The following SCG2 variants were observed in gnomAD, a reference collection of about 807,000 sequenced individuals.
SCG2 encodes secretogranin II, also known as secretogranin-2.
In SCG2, 23 loss-of-function variants were observed where a neutral mutation model predicts 49.5. The ratio of observed to expected loss-of-function variants is 0.46; its 90% CI spans 0.33 to 0.66. The LOEUF is 0.66. SCG2 is among the 30% of genes least tolerant of loss of function. The pLI, the probability that SCG2 is intolerant of heterozygous loss-of-function variation, is 0.01. For missense variants in SCG2, 730 were observed against 728.2 expected, an observed-to-expected ratio of 1.00 and a Z score of -0.03; for synonymous variants, 288 against 260.4, an observed-to-expected ratio of 1.11 and a Z score of -1.02.
chr2:223,600,448 G>C (rs926969241), intron 1 of SCG2, among the ~76,000 whole-genome samples: 1 of 152,112 alleles, frequency 6.6e-6, no homozygotes, highest in Non-Finnish European at 1.5e-5. Context: ...TTAGGAAGAG[G>C]ATTAGTTTTT....
In SCG2 at chr2:223,598,901, C is replaced by T. The variant is rs1478813785; in HGVS notation, c.382G>A (p.Ala128Thr). The T allele has an allele frequency of 6.2e-7, 1 of 1,614,150 alleles. No individual in the cohort carries two copies. The highest frequency in any genetic ancestry group is 8.5e-7 in the Non-Finnish European group (1 of 1,180,022). ...GCATAGGGCTTATTTTCTTTTGGTG[C>T]AGACTGAGGCTCATTTTCAGCCTGT... ...LRQAENEPQS[A>T]PKENKPYALN... Residue 128 changes from alanine to threonine, a missense_variant, in exon 2 of 2, where the codon GCA becomes ACA. By Grantham distance (58) the Ala-to-Thr change is moderately conservative. Transcript: ENST00000305409.
rs1691327517 is a variant in SCG2 at position 223,598,087 on chromosome 2, AAGTC to A, written c.1192_1195del (p.Asp398Ter). On this transcript the variant is annotated frameshift_variant, in exon 2 of 2. Coordinates refer to ENST00000305409, the MANE Select transcript of SCG2 (RefSeq NM_003469.5). LOFTEE classifies it high-confidence loss of function. ...ATTTTGGAACAGGTCTGGATGGTCT[AAGTC>A]AGCCTCTGAGATGTCATCTAGGTCA... 4 of 1,605,360 alleles carry A rather than the reference AAGTC, an allele frequency of 2.5e-6. No homozygotes were observed. The highest frequency in any genetic ancestry group is 3.4e-6 in the Non-Finnish European group (4 of 1,175,664).
chr2:223,597,421 A>C lies in SCG2; in HGVS notation c.*8T>G. 1 of 1,573,162 alleles carries C rather than the reference A, an allele frequency of 6.4e-7. No individual in the cohort carries two copies. The highest frequency in any genetic ancestry group is 8.6e-7 in the Non-Finnish European group (1 of 1,159,894). On this transcript the variant is annotated 3_prime_UTR_variant, in exon 2 of 2. Transcript: ENST00000305409. ...AGGAATGAAAGTAGGGTAATTAATGAAAGCAGCTTACATATTTTCCATTGC... is the reference window on the plus strand; with the variant it reads ...AGGAATGAAAGTAGGGTAATTAATGCAAGCAGCTTACATATTTTCCATTGC...
intron 1 of SCG2, among the ~76,000 whole-genome samples, chr2:223,601,491 A>G (rs1339918336): frequency 1.3e-5 from 2 of 152,210 alleles, no homozygotes; most frequent in Non-Finnish European, 2.9e-5. Flanking sequence ...CCCAGACAAA[A>G]TCTTTAGCAA....
chr2:223,600,051 C>G (rs1404964978), intron 1 of SCG2, among the ~76,000 whole-genome samples: 1 of 152,100 alleles, frequency 6.6e-6, no homozygotes, highest in Admixed American at 6.5e-5. Flanking sequence ...ACGTGCTAAA[C>G]CAATAAAGTG....
chr2:223,600,965 G>A (rs1426121464), intron 1 of SCG2, among the ~76,000 whole-genome samples: 4 of 151,934 alleles, frequency 2.6e-5, no homozygotes, highest in African/African-American at 9.7e-5. Context: ...TTCAACATTG[G>A]CATTTGAAAT....
Position 223,599,150 on chromosome 2 carries a change from C to G in SCG2, c.133G>C (p.Glu45Gln). The G allele has an allele frequency of 6.2e-7, 1 of 1,614,102 alleles. No homozygotes were observed. The highest frequency in any genetic ancestry group is 8.5e-7 in the Non-Finnish European group (1 of 1,179,990). Residue 45 changes from glutamate to glutamine, a missense_variant, in exon 2 of 2, where the codon GAA becomes CAA. Physicochemically the swap from Glu to Gln is conservative, Grantham distance 29 (BLOSUM62 2). Coordinates refer to ENST00000305409, the MANE Select transcript of SCG2 (RefSeq NM_003469.5). The stretch of plus-strand genomic sequence containing the variant: ...GGACTGGGAAACTTTTGGACATTTT[C>G]CAACCTGAGGTCTGGTTCTTTCTGA... ...LLQKEPDLRLENVQKFPSPEM... is the reference protein window; with the variant it reads ...LLQKEPDLRLQNVQKFPSPEM...
At position 223,598,895 on chromosome 2, in the gene SCG2, T is replaced by C; in HGVS notation, c.388A>G (p.Lys130Glu). 6.2e-7 allele frequency: 1 copy of C among 1,614,242 alleles called. No homozygotes were observed. The highest frequency in any genetic ancestry group is 8.5e-7 in the Non-Finnish European group (1 of 1,180,036). ...QAENEPQSAP[K>E]ENKPYALNSE... ...TTCAAGGCATAGGGCTTATTTTCTT[T>C]TGGTGCAGACTGAGGCTCATTTTCA... Residue 130 changes from lysine to glutamate, a missense_variant, in exon 2 of 2, where the codon AAA becomes GAA. Coordinates refer to ENST00000305409, the MANE Select transcript of SCG2 (RefSeq NM_003469.5).
rs201824633 is a variant in SCG2, at chr2:223,598,651, G to T, written c.632C>A (p.Pro211Gln). 155 of 1,613,878 alleles carry T rather than the reference G, an allele frequency of 9.6e-5. No homozygotes were observed. Among genetic ancestry groups the T allele is most frequent in the Admixed American group, 1.7e-4 (10 of 59,996 alleles). The change falls in exon 2 of 2, where the codon CCA becomes CAA. Residue 211 changes from proline (P) to glutamine (Q), a missense_variant. Coordinates refer to ENST00000305409, the MANE Select transcript of SCG2 (RefSeq NM_003469.5). ...VFQELGKLTG[P>Q]NNQKRERMDE... ...CATCCTCTCACGTTTCTGGTTGTTT[G>T]GTCCTGTCAGTTTCCCCAGCTCTTG...
Position 223,598,448 on chromosome 2 carries a change from T to G in SCG2, c.835A>C (p.Asn279His). The G allele has an allele frequency of 6.2e-7, 1 of 1,614,080 alleles. No homozygotes were observed. The highest frequency in any genetic ancestry group is 8.5e-7 in the Non-Finnish European group (1 of 1,180,018). The change falls in exon 2 of 2, where the codon AAC (asparagine) becomes CAC (histidine). Residue 279 changes from asparagine to histidine, a missense_variant. By Grantham distance (68) the Asn-to-His change is moderately conservative. Coordinates refer to ENST00000305409, the MANE Select transcript of SCG2 (RefSeq NM_003469.5). ...KENIEKNEQI[N>H]DEMKRSGQLG... ...TGCCCTGAGCGTTTCATCTCATCGT[T>G]GATTTGTTCATTTTTTTCTATATTC... is the stretch of plus-strand genomic sequence containing the variant.
At position 223,598,749 on chromosome 2, in the gene SCG2, G is replaced by A. The variant is rs267599221; in HGVS notation, c.534C>T (p.Pro178=). The A allele has an allele frequency of 1.2e-6, 2 of 1,613,850 alleles. No homozygotes were observed. The highest frequency in any genetic ancestry group is 1.7e-6 in the Non-Finnish European group (2 of 1,180,046). The change falls in exon 2 of 2, where the codon CCC becomes CCT. Residue 178 remains proline, a synonymous_variant. Coordinates refer to ENST00000305409, the MANE Select transcript of SCG2 (RefSeq NM_003469.5). ...CCACTATTTCATTTGTGCGTTTAAA[G>A]GGGTTATCCCTGGAATTCTCTTCAT... ...PMYEENSRDN[P]FKRTNEIVEE... is the part of the protein sequence containing the mutation.
chr2:223,598,409 C>T lies in SCG2; in HGVS notation c.874G>A (p.Glu292Lys). The T allele has an allele frequency of 6.2e-7, 1 of 1,614,084 alleles. No individual in the cohort carries two copies. The highest frequency in any genetic ancestry group is 8.5e-7 in the Non-Finnish European group (1 of 1,180,024). The change falls in exon 2 of 2, where the codon GAA (glutamate) becomes AAA (lysine). Residue 292 changes from glutamate to lysine, a missense_variant. Physicochemically the swap from Glu to Lys is moderately conservative, Grantham distance 56 (BLOSUM62 1). Coordinates refer to ENST00000305409, the MANE Select transcript of SCG2 (RefSeq NM_003469.5). ...TTACTCTCTTTCCGAAGATCTTCTT[C>T]CTGGATGCCAAGCTGCCCTGAGCGT... ...MKRSGQLGIQ[E>K]EDLRKESKDQ...
chr2:223,599,580 A>G (rs1691358659), intron 1 of SCG2, among the ~76,000 whole-genome samples: 1 of 152,150 alleles, frequency 6.6e-6, no homozygotes, highest in Admixed American at 6.5e-5. Context: ...CTTAAATTTT[A>G]TTTTTTCATT....
rs116120074 is a variant in SCG2, at chr2:223,600,758, T to A, written c.-14-1462A>T. On this transcript the variant is annotated intron_variant, in intron 1 of 1. Coordinates refer to ENST00000305409, the MANE Select transcript of SCG2 (RefSeq NM_003469.5). ...CATACGTATATACCTATTTAAATGA[T>A]TCACGTTTACCAGAGTACTTAATTT... Among the ~76,000 whole-genome samples, 1,247 of 152,240 alleles carry A rather than the reference T, an allele frequency of 8.2e-3. 23 individuals carry two copies. The highest frequency in any genetic ancestry group is 0.028 in the African/African-American group (1,169 of 41,572).
At chr2:223,599,389 CAT>C (rs968783693) in intron 1 of SCG2, 93 bp from the exon 2 acceptor site, 153 of 1,013,922 alleles carry the variant, frequency 1.5e-4, no homozygotes, top group Admixed American at 5.6e-5. Flanking sequence ...GAGGAAAAAA[CAT>C]AGTAGATATT....
Position 223,599,061 on chromosome 2 carries a change from G to C in SCG2, c.222C>G (p.Ser74Arg). The C allele has an allele frequency of 2.5e-6, 4 of 1,614,180 alleles. No individual in the cohort carries two copies. Among genetic ancestry groups the C allele is most frequent in the Non-Finnish European group, 3.4e-6 (4 of 1,180,030 alleles). ...CTTGGTAGGGATTATAATCTGGGCT[G>C]CTTTCTTCCTTATGAGCTTGTTGTC... Reference protein sequence around the residue: ...NLRQQAHKEESSPDYNPYQGV... With the variant: ...NLRQQAHKEERSPDYNPYQGV... The change falls in exon 2 of 2, where the codon AGC (serine) becomes AGG (arginine). Residue 74 changes from serine to arginine, a missense_variant. By Grantham distance (110) the Ser-to-Arg change is moderately radical. Transcript: ENST00000305409.
In SCG2 at chr2:223,598,103, T is replaced by A; in HGVS notation, c.1180A>T (p.Ile394Phe). ...GGATGGTCTAAGTCAGCCTCTGAGA[T>A]GTCATCTAGGTCAACAGGAAGGTCA... ...ELDLPVDLDD[I>F]SEADLDHPDL... is the part of the protein sequence containing the mutation. Residue 394 changes from isoleucine to phenylalanine, a missense_variant, in exon 2 of 2, where the codon ATC (isoleucine) becomes TTC (phenylalanine). Physicochemically the swap from Ile to Phe is conservative, Grantham distance 21 (BLOSUM62 0). Transcript: ENST00000305409. 1 of 1,607,092 alleles carries A rather than the reference T, an allele frequency of 6.2e-7. No homozygotes were observed. Among genetic ancestry groups the A allele is most frequent in the Non-Finnish European group, 8.5e-7 (1 of 1,176,396 alleles).
chr2:223,598,093 G>A lies in SCG2; in HGVS notation c.1190C>T (p.Ala397Val). The A allele has an allele frequency of 1.2e-6, 2 of 1,605,654 alleles. No homozygotes were observed. Among genetic ancestry groups the A allele is most frequent in the Non-Finnish European group, 8.5e-7 (1 of 1,175,800 alleles). Residue 397 changes from alanine (A) to valine (V), a missense_variant, in exon 2 of 2, where the codon GCT becomes GTT. Transcript: ENST00000305409. The stretch of plus-strand genomic sequence containing the variant: ...GAACAGGTCTGGATGGTCTAAGTCA[G>A]CCTCTGAGATGTCATCTAGGTCAAC... ...LPVDLDDISE[A>V]DLDHPDLFQN...
chr2:223,600,246 G>T (rs1000188768), intron 1 of SCG2, among the ~76,000 whole-genome samples: 2 of 152,132 alleles, frequency 1.3e-5, no homozygotes, highest in African/African-American at 4.8e-5. Context: ...TTCAGATTCA[G>T]TTTGTCTTCT....
Sources: gnomAD v4.1 joint callset for allele counts (sites outside exome capture counted in the v4.1 genomes callset) on GRCh38, gnomAD v4.1.1 for gene constraint, MANE v1.5 for transcripts, NCBI Gene and HGNC (gene_info 2026-07-23, HGNC 2026-07-21) for gene names.